Variants in FANCI observed in about 807,000 individuals in gnomAD.
The protein encoded by FANCI is Fanconi anemia group I protein.
FANCI carries 156 observed loss-of-function variants against 176.1 expected under a neutral mutation model. That is an observed-to-expected ratio of 0.89 (90% confidence interval 0.78 to 1.01). The LOEUF (loss-of-function observed/expected upper bound fraction) is 1.01. FANCI is among the 50% of genes least tolerant of loss of function. The pLI, the probability that FANCI is intolerant of heterozygous loss-of-function variation, is 0.00. For synonymous variants in FANCI, 613 were observed against 541.7 expected, an observed-to-expected ratio of 1.13 and a Z score of -1.83; for missense variants, 1,678 against 1,534.1, an observed-to-expected ratio of 1.09 and a Z score of -1.57.
intron 8 of FANCI, among the ~76,000 whole-genome samples, chr15:89,264,302 G>A (rs2052846436): frequency 6.6e-6 from 1 of 152,186 alleles, no homozygotes; most frequent in South Asian, 2.1e-4. Context: ...AAAGATCTCA[G>A]AAAGGGTAGA....
rs1427630465 is a variant in FANCI, at chr15:89,247,699, C to T, written c.52C>T (p.Gln18Ter). The change falls in exon 2 of 38, where the codon CAA becomes TAA. Residue 18 changes from glutamine to a stop codon, truncating the protein, a stop_gained. Transcript: ENST00000310775. LOFTEE classifies it high-confidence loss of function. Reference protein sequence around the residue: ...LAAEKTADKLQEFLQTLREGD... With the variant: ...LAAEKTADKL ...AGCAGAAAAAACAGCAGACAAACTG[C>T]AAGAATTTCTTCAAACCCTGAGAGA... 6.2e-7 allele frequency: 1 copy of T among 1,613,800 alleles called. No homozygotes were observed. Among genetic ancestry groups the T allele is most frequent in the Non-Finnish European group, 8.5e-7 (1 of 1,179,934 alleles).
intron 9 of FANCI, 115 bp downstream of exon 9, chr15:89,264,722 C>G (rs551234542): frequency 9.1e-5 from 74 of 816,330 alleles, no homozygotes; most frequent in Admixed American, 1.6e-4. Context: ...CAGCACAAAA[C>G]TTTTCTAATC....
intron 2 of FANCI, among the ~76,000 whole-genome samples, chr15:89,252,310 AAAAG>A (rs1239218186): frequency 6.6e-6 from 1 of 152,078 alleles, no homozygotes; most frequent in Non-Finnish European, 1.5e-5. Flanking sequence ...AAAAAAAAAA[AAAAG>A]AAAATATAAA....
At chr15:89,261,935 C>T in intron 6 of FANCI, 57 bp downstream of exon 6, 2 of 1,514,718 alleles carry the variant, frequency 1.3e-6, no homozygotes, top group South Asian at 1.1e-5. Context: ...GAAAAAAAAC[C>T]ACTTTATTTC....
chr15:89,261,537 A>G, intron 4 of FANCI, 48 bp from the exon 5 acceptor site: 1 of 1,609,846 alleles, frequency 6.2e-7, no homozygotes, highest in Non-Finnish European at 8.5e-7. Flanking sequence ...AAGATTTATC[A>G]AACATTGGAT....
chr15:89,274,452 G>T (rs971111938), intron 12 of FANCI, 148 bp downstream of exon 12: 11 of 875,768 alleles, frequency 1.3e-5, no homozygotes, highest in Non-Finnish European at 1.8e-5. Context: ...CTTAAAACTG[G>T]TAGAGGATAC....
rs906091832 is a variant in FANCI at position 89,303,968 on chromosome 15, C to T, written c.3058+53C>T. 3.9e-6 allele frequency: 6 copies of T among 1,540,458 alleles called. No individual in the cohort carries two copies. In the African/African-American group the frequency reaches 6.8e-5, roughly 17 times the overall value. ...GGCTTTATATAAAATCACTATCCTCCAGTGGCATTTGGAAAAGAAAAGGTA... is the reference window on the plus strand; with the variant it reads ...GGCTTTATATAAAATCACTATCCTCTAGTGGCATTTGGAAAAGAAAAGGTA... On this transcript the variant is annotated intron_variant, in intron 28 of 37. Transcript: ENST00000310775.
intron 12 of FANCI, among the ~76,000 whole-genome samples, chr15:89,275,331 T>G (rs1455787971): frequency 6.6e-6 from 1 of 152,196 alleles, no homozygotes; most frequent in Non-Finnish European, 1.5e-5. Context: ...TTAGCCAGTT[T>G]AGAGAAATTC....
chr15:89,292,667 TTTAC>T lies in FANCI; in HGVS notation c.1993-17_1993-14del. On this transcript the variant is annotated splice_polypyrimidine_tract_variant and intron_variant, in intron 20 of 37. Transcript: ENST00000310775. ...TCCATCAACACTCAAGAGTATTTAA[TTTAC>T]TTATTTTCTCCTACAGGATTATCTG... is the stretch of plus-strand genomic sequence containing the variant. The T allele has an allele frequency of 6.2e-7, 1 of 1,610,822 alleles. No homozygotes were observed. Among genetic ancestry groups the T allele is most frequent in the Non-Finnish European group, 8.5e-7 (1 of 1,178,870 alleles).
rs770190680 is a variant in FANCI at position 89,315,296 on chromosome 15, G to A, written c.3831G>A (p.Gln1277=). The A allele has an allele frequency of 1.2e-6, 2 of 1,613,126 alleles. No individual in the cohort carries two copies. The highest frequency in any genetic ancestry group is 2.7e-5 in the African/African-American group (2 of 74,894). The change falls in exon 37 of 38, where the codon CAG becomes CAA. Residue 1277 remains glutamine (Q), a synonymous_variant. Coordinates refer to ENST00000310775, the MANE Select transcript of FANCI (RefSeq NM_001113378.2). ...TCTTGTCATAGGTGAACCTGATGCA[G>A]CACATGAAGCTCAGCACCTCACGAG... ...LSKKSKVNLM[Q]HMKLSTSRDF... is the part of the protein sequence containing the mutation.
intron 12 of FANCI, among the ~76,000 whole-genome samples, chr15:89,276,290 A>G (rs16942923): frequency 0.05 from 7,633 of 152,278 alleles, 609 homozygotes; most frequent in African/African-American, 0.17. Flanking sequence ...GTGCTAAGCA[A>G]TGTGGGTAAA....
rs762390984 is a variant in FANCI, at chr15:89,301,392, GTCACGGTTCTTAC to G, written c.2957_2969del (p.Val986AlafsTer39). 150 of 1,613,992 alleles carry G rather than the reference GTCACGGTTCTTAC, an allele frequency of 9.3e-5. No homozygotes were observed. The highest frequency in any genetic ancestry group is 2.5e-6 in the Non-Finnish European group (3 of 1,180,024). On this transcript the variant is annotated frameshift_variant, in exon 27 of 38. Coordinates refer to ENST00000310775, the MANE Select transcript of FANCI (RefSeq NM_001113378.2). LOFTEE classifies it high-confidence loss of function. ...TAATAGCAAAGAAGCCCTCCTGCTA[GTCACGGTTCTTAC>G]CAGTTTGTCCAAGTTACTGGAGCCC...
At chr15:89,298,146 C>G (rs2054382828) in intron 24 of FANCI, among the ~76,000 whole-genome samples, 1 of 152,086 alleles carries the variant, frequency 6.6e-6, no homozygotes, top group Non-Finnish European at 1.5e-5. Context: ...GTGAACAACA[C>G]TGTCACCCAG....
chr15:89,272,953 C>T (rs2053255509), intron 10 of FANCI, among the ~76,000 whole-genome samples: 1 of 152,094 alleles, frequency 6.6e-6, no homozygotes, highest in Non-Finnish European at 1.5e-5. Context: ...AGGCATAAGC[C>T]ACCACACCCG....
At chr15:89,273,309 TTAAAA>T (rs1196509812) in intron 10 of FANCI, 63 bp from the exon 11 acceptor site, 5 of 752,728 alleles carry the variant, frequency 6.6e-6, no homozygotes, top group Non-Finnish European at 1.1e-5. Flanking sequence ...CTTTTTTTTT[TTAAAA>T]AAAAAAAAAA....
At chr15:89,285,045 T>A (rs749594162) in intron 17 of FANCI, 51 bp from the exon 18 acceptor site, 1 of 1,612,834 alleles carries the variant, frequency 6.2e-7, no homozygotes. Flanking sequence ...TAGCTCCTTA[T>A]TGGAAACAGC....
chr15:89,305,664 G>C lies in FANCI; in HGVS notation c.3315G>C (p.Lys1105Asn). 1 of 1,614,210 alleles carries C rather than the reference G, an allele frequency of 6.2e-7. No homozygotes were observed. Among genetic ancestry groups the C allele is most frequent in the African/African-American group, 1.3e-5 (1 of 75,060 alleles). Reference sequence around the variant, plus strand: ...AAGAAGTGGACTGGCTAATCACCAAGCTTAAGGGACAAGTGAGCCAAGAAA... The same window carrying C: ...AAGAAGTGGACTGGCTAATCACCAACCTTAAGGGACAAGTGAGCCAAGAAA... ...VLEEVDWLIT[K>N]LKGQVSQETL... is the part of the protein sequence containing the mutation. The change falls in exon 31 of 38, where the codon AAG becomes AAC. Residue 1105 changes from lysine (K) to asparagine (N), a missense_variant. Around this residue, in one of 3 missense-constraint regions of FANCI, gnomAD observed 1,204 missense variants for 1,077.4 expected, o/e 1.12. Coordinates refer to ENST00000310775, the MANE Select transcript of FANCI (RefSeq NM_001113378.2).
In FANCI at chr15:89,304,210, T is replaced by C. The variant is rs143220972; in HGVS notation, c.3058+295T>C. On this transcript the variant is annotated intron_variant, in intron 28 of 37. Transcript: ENST00000310775. ...CAATTCGAATCACAACAGAAAAATG[T>C]GGAAGAATTCTCTTAGCAGCACTAT... Among the ~76,000 whole-genome samples the C allele has an allele frequency of 2.1e-3, 321 of 152,294 alleles. 2 individuals carry two copies. Among genetic ancestry groups the C allele is most frequent in the Middle Eastern group, 6.8e-3 (2 of 294 alleles).
rs556226895 is a variant in FANCI at position 89,283,785 on chromosome 15, G to GTC, written c.1698+537_1698+538dup. ...TTTTTTTTTTTTTGAGACGGAGTCA[G>GTC]TCTGTCACCCAGGCTGGAGTGCAGT... On this transcript the variant is annotated intron_variant, in intron 17 of 37. Coordinates refer to ENST00000310775, the MANE Select transcript of FANCI (RefSeq NM_001113378.2). Among the ~76,000 whole-genome samples the GTC allele has an allele frequency of 2.5e-3, 380 of 150,436 alleles. 8 individuals are homozygous for GTC. The highest frequency in any genetic ancestry group is 0.015 in the East Asian group (74 of 5,094).
Sources: gnomAD v4.1 joint callset for allele counts (sites outside exome capture counted in the v4.1 genomes callset) on GRCh38, gnomAD v4.1.1 for gene constraint, gnomAD v4.1.1 regional missense constraint, MANE v1.5 for transcripts, NCBI Gene and HGNC (gene_info 2026-07-23, HGNC 2026-07-21) for gene names.